PRELID2: variants seen among roughly 807,000 people sequenced by gnomAD.
PRELID2 encodes PRELI domain-containing protein 2.
Under a neutral mutation model 28.4 loss-of-function variants are expected in PRELID2, and 25 were observed. The observed-to-expected ratio is 0.88, with a 90% CI of 0.64 to 1.23. The LOEUF (loss-of-function observed/expected upper bound fraction) is 1.23. Among genes scored for constraint, PRELID2 ranks in the 50% most tolerant of loss-of-function variants. The pLI is 0.00. For missense variants in PRELID2, 201 were observed against 214.4 expected (o/e 0.94, Z 0.39); for synonymous variants, 76 against 71.6 (o/e 1.06, Z -0.31).
rs552080682 is a variant in PRELID2, at chr5:145,589,181, C to T, written n.71-115866G>A. Among the ~76,000 whole-genome samples, 18 of 152,248 alleles carry T rather than the reference C, an allele frequency of 1.2e-4. No individual in the cohort carries two copies. The East Asian group carries it at 3.5e-3, about 30-fold the overall frequency. On this transcript the variant is annotated intron_variant and non_coding_transcript_variant, in intron 1 of 2. Transcript: ENST00000510259. ...CAATGGGTGCATAACTGTATTTTTG[C>T]ATCATCCTTCCCTTACTGTTGAGCA...
At chr5:145,375,565 TAGA>T in the PRELID2 span, among the ~76,000 whole-genome samples, 3 of 152,006 alleles carry the variant, frequency 2.0e-5, no homozygotes, top group Non-Finnish European at 4.4e-5. Flanking sequence ...TCCTCAGAAC[TAGA>T]AGGAGGAAAG....
the PRELID2 span, among the ~76,000 whole-genome samples, chr5:145,311,436 C>T: frequency 5.8e-4 from 88 of 152,176 alleles, no homozygotes; most frequent in African/African-American, 2.0e-3. Context: ...TTTATCTTAC[C>T]CTAGGTCTCA....
intron 1 of PRELID2, among the ~76,000 whole-genome samples, chr5:145,541,694 T>G (rs1360130805): frequency 1.3e-5 from 2 of 152,058 alleles, no homozygotes; most frequent in Non-Finnish European, 2.9e-5. Flanking sequence ...GGAGAGAACC[T>G]GGGGATGGAA....
intron 4 of PRELID2, among the ~76,000 whole-genome samples, chr5:145,816,329 G>C (rs115495703): frequency 6.6e-6 from 1 of 151,802 alleles, no homozygotes; most frequent in African/African-American, 2.4e-5. Flanking sequence ...TGATCACCCC[G>C]CCTTGGCCTC....
At chr5:145,678,627 TAATA>T (rs1754869764) in intron 1 of PRELID2, among the ~76,000 whole-genome samples, 2 of 152,158 alleles carry the variant, frequency 1.3e-5, no homozygotes, top group African/African-American at 4.8e-5. Context: ...ACTGGCCAAT[TAATA>T]AATAAAATAA....
intron 1 of PRELID2, among the ~76,000 whole-genome samples, chr5:145,741,878 T>C (rs1370775600): frequency 1.7e-5 from 2 of 121,040 alleles, no homozygotes; most frequent in African/African-American, 6.5e-5. Context: ...AATAAATAAA[T>C]TTAACAAATA....
At chr5:145,441,706 T>C in the PRELID2 span, among the ~76,000 whole-genome samples, 3 of 152,094 alleles carry the variant, frequency 2.0e-5, no homozygotes, top group African/African-American at 7.2e-5. Context: ...TCCCTTCTTT[T>C]CAGGGATGCA....
chr5:145,619,688 T>C (rs1466262596), intron 1 of PRELID2, among the ~76,000 whole-genome samples: 1 of 152,226 alleles, frequency 6.6e-6, no homozygotes, highest in Non-Finnish European at 1.5e-5. Context: ...TCTGTCCATC[T>C]GAGTTGGAGC....
chr5:145,735,099 G>C (rs1413751302), intron 1 of PRELID2, among the ~76,000 whole-genome samples: 1 of 151,376 alleles, frequency 6.6e-6, no homozygotes, highest in Admixed American at 6.6e-5. Context: ...ACAAAAATTA[G>C]CCAGGCATGG....
At chr5:145,265,519 T>C in the PRELID2 span, among the ~76,000 whole-genome samples, 1 of 152,100 alleles carries the variant, frequency 6.6e-6, no homozygotes. Context: ...AAAGCAAGAC[T>C]AAGCAAAAAG....
At chr5:145,573,879 AG>A (rs1479943254) in intron 1 of PRELID2, among the ~76,000 whole-genome samples, 1 of 152,182 alleles carries the variant, frequency 6.6e-6, no homozygotes, top group Non-Finnish European at 1.5e-5. Flanking sequence ...CCAAGAAAAG[AG>A]GAGAGGGTAG....
At chr5:145,685,618 T>A (rs1249357057) in intron 1 of PRELID2, among the ~76,000 whole-genome samples, 1 of 152,150 alleles carries the variant, frequency 6.6e-6, no homozygotes, top group Non-Finnish European at 1.5e-5. Context: ...AGGAGTGCTA[T>A]AAAACATTGT....
At chr5:145,672,325 C>T (rs997274924) in intron 1 of PRELID2, among the ~76,000 whole-genome samples, 3 of 152,064 alleles carry the variant, frequency 2.0e-5, no homozygotes, top group African/African-American at 7.2e-5. Context: ...TTGGATAGAC[C>T]TAGGCTGTAA....
chr5:145,475,877 T>A (rs1477512090), intron 1 of PRELID2, among the ~76,000 whole-genome samples: 1 of 152,202 alleles, frequency 6.6e-6, no homozygotes, highest in Non-Finnish European at 1.5e-5. Flanking sequence ...TATTTTCCCA[T>A]GTGAAATGTT....
chr5:145,629,874 A>T (rs1407185737), intron 1 of PRELID2, among the ~76,000 whole-genome samples: 1 of 151,762 alleles, frequency 6.6e-6, no homozygotes, highest in East Asian at 1.9e-4. Context: ...AACTATAGGT[A>T]TTGTCTGGAA....
At chr5:145,627,374 A>G (rs13189291) in intron 1 of PRELID2, among the ~76,000 whole-genome samples, 1 of 152,136 alleles carries the variant, frequency 6.6e-6, no homozygotes. Context: ...GTAGAACAGT[A>G]GAAGGGGGTG....
intron 4 of PRELID2, among the ~76,000 whole-genome samples, chr5:145,811,954 T>C (rs1753974531): frequency 6.6e-6 from 1 of 152,132 alleles, no homozygotes; most frequent in Non-Finnish European, 1.5e-5. Context: ...TATGTCCCAA[T>C]TATTTCTGTT....
intron 1 of PRELID2, among the ~76,000 whole-genome samples, chr5:145,495,155 T>C (rs1275360490): frequency 6.6e-6 from 1 of 152,148 alleles, no homozygotes; most frequent in Non-Finnish European, 1.5e-5. Flanking sequence ...TGTTGCTCAA[T>C]CCAGTAGTCA....
chr5:145,420,385 G>T, the PRELID2 span, among the ~76,000 whole-genome samples: 3 of 151,648 alleles, frequency 2.0e-5, no homozygotes, highest in Admixed American at 1.3e-4. Flanking sequence ...TCTTCCATTT[G>T]TTTGTATCCT....
Sources: gnomAD v4.1 joint callset for allele counts (sites outside exome capture counted in the v4.1 genomes callset) on GRCh38, gnomAD v4.1.1 for gene constraint, MANE v1.5 for transcripts, NCBI Gene and HGNC (gene_info 2026-07-23, HGNC 2026-07-21) for gene names.